MEGF9: variants seen among roughly 807,000 people sequenced by gnomAD.
MEGF9 encodes the protein multiple epidermal growth factor-like domains protein 9.
MEGF9 carries 6 observed loss-of-function variants against 46.8 expected under a neutral mutation model. The ratio of observed to expected loss-of-function variants is 0.13; its 90% CI spans 0.07 to 0.25. MEGF9 has a LOEUF of 0.25. MEGF9 is among the 10% of genes least tolerant of loss of function. The pLI is 1.00. For missense variants in MEGF9, 683 were observed against 792.4 expected (o/e 0.86, Z 1.66); for synonymous variants, 302 against 330.7 (o/e 0.91, Z 0.94).
intron 5 of MEGF9, among the ~76,000 whole-genome samples, chr9:120,606,189 A>T: frequency 6.6e-6 from 1 of 151,490 alleles, no homozygotes; most frequent in African/African-American, 2.4e-5. Context: ...AAAAAAAAAA[A>T]ATCTTTGGGA....
At chr9:120,610,977 T>C (rs1316355223) in intron 4 of MEGF9, among the ~76,000 whole-genome samples, 1 of 152,196 alleles carries the variant, frequency 6.6e-6, no homozygotes, top group African/African-American at 2.4e-5. Flanking sequence ...TTTCTCTAAA[T>C]ATATGAATGA....
In MEGF9 at chr9:120,695,603, C is replaced by CAAAAAAAAAAAAAAAAA. The variant is rs370281228; in HGVS notation, c.601+18138_601+18154dup. ...TGGGTGACAGTGTGAGACCCCATCT[C>CAAAAAAAAAAAAAAAAA]AAAAAAAAAAAAAAAAAAAAAAAAA... On this transcript the variant is annotated intron_variant, in intron 1 of 5. Coordinates refer to ENST00000373930, the MANE Select transcript of MEGF9 (RefSeq NM_001080497.3). Among the ~76,000 whole-genome samples the CAAAAAAAAAAAAAAAAA allele has an allele frequency of 8.0e-4, 15 of 18,686 alleles. 2 individuals carry two copies. The highest frequency in any genetic ancestry group is 1.7e-3 in the African/African-American group (14 of 8,268). 12.3% of individuals were successfully genotyped at this position (18,686 alleles called of 152,430 possible). A position where few individuals can be genotyped will look rare whatever the true frequency, so the allele number is the denominator to read the frequency against.
chr9:120,626,339 C>T (rs887247181), intron 2 of MEGF9, among the ~76,000 whole-genome samples: 4 of 152,190 alleles, frequency 2.6e-5, no homozygotes, highest in African/African-American at 9.7e-5. Flanking sequence ...CTACACATTT[C>T]TTAAATTATC....
At chr9:120,628,465 G>GTCGTTTTTTTTTTTTTTTTTTTTTTTTTT (rs1306331353) in intron 2 of MEGF9, among the ~76,000 whole-genome samples, 1 of 52,754 alleles carries the variant, frequency 1.9e-5, no homozygotes, top group Non-Finnish European at 4.0e-5. Context: ...AATTCTTGTC[G>GTCGTTTTTTTTTTTTTTTTTTTTTTTTTT]TTGTTTTTTT....
intron 2 of MEGF9, among the ~76,000 whole-genome samples, chr9:120,643,696 GTTTC>G (rs1208971388): frequency 4.7e-5 from 7 of 150,078 alleles, no homozygotes; most frequent in Admixed American, 6.6e-5. Flanking sequence ...TTCCACTAAT[GTTTC>G]TTTTTTTTTT....
chr9:120,611,698 AGACTAT>A (rs1212355781), intron 4 of MEGF9, among the ~76,000 whole-genome samples: 2 of 152,082 alleles, frequency 1.3e-5, no homozygotes, highest in African/African-American at 4.8e-5. Context: ...CAAAACTTTG[AGACTAT>A]GTACTAAAAA....
rs976632884 is a variant in MEGF9, at chr9:120,601,038, G to T, written c.*4152C>A. ...GAAATGCATGATGAAGCCTAGTACA[G>T]CATATGTATGAGACACATTTTTTAA... On this transcript the variant is annotated 3_prime_UTR_variant, in exon 6 of 6. Coordinates refer to ENST00000373930, the MANE Select transcript of MEGF9 (RefSeq NM_001080497.3). 3 of 152,600 alleles carry T rather than the reference G, an allele frequency of 2.0e-5. No homozygotes were observed. Among genetic ancestry groups the T allele is most frequent in the Admixed American group, 2.0e-4 (3 of 15,280 alleles). The allele number at this position is 152,600 out of a possible 1,614,324, so 9.5% of individuals were successfully genotyped here.
intron 2 of MEGF9, among the ~76,000 whole-genome samples, chr9:120,635,809 T>A (rs1378832148): frequency 6.6e-6 from 1 of 152,198 alleles, no homozygotes; most frequent in Admixed American, 6.5e-5. Context: ...TTCTGGCAAT[T>A]AGTTGATTTC....
At chr9:120,660,285 G>A (rs1368640396) in intron 1 of MEGF9, among the ~76,000 whole-genome samples, 1 of 152,056 alleles carries the variant, frequency 6.6e-6, no homozygotes, top group African/African-American at 2.4e-5. Context: ...GGTGTATAAG[G>A]TGTATATATT....
chr9:120,700,271 T>G (rs918209803), intron 1 of MEGF9, among the ~76,000 whole-genome samples: 5 of 152,352 alleles, frequency 3.3e-5, no homozygotes, highest in African/African-American at 1.2e-4. Context: ...ACTGATTAGC[T>G]GGACCATCCA....
At chr9:120,713,098 G>A (rs2043960672) in intron 1 of MEGF9, among the ~76,000 whole-genome samples, 1 of 152,184 alleles carries the variant, frequency 6.6e-6, no homozygotes, top group Non-Finnish European at 1.5e-5. Flanking sequence ...GCGAGGAAGA[G>A]ATTTAACCTA....
chr9:120,670,751 G>A (rs781648093), intron 1 of MEGF9, among the ~76,000 whole-genome samples: 8 of 151,976 alleles, frequency 5.3e-5, no homozygotes, highest in Non-Finnish European at 7.4e-5. Context: ...CTCCAACTGC[G>A]CTCTTTATCA....
intron 3 of MEGF9, among the ~76,000 whole-genome samples, chr9:120,612,925 CT>C (rs58019064): frequency 0.084 from 11,289 of 135,086 alleles, 1,040 homozygotes; most frequent in African/African-American, 0.24. Context: ...ATGCACAAAT[CT>C]TTTTTTTTTT....
At chr9:120,677,504 G>A (rs556277007) in intron 1 of MEGF9, among the ~76,000 whole-genome samples, 2 of 152,282 alleles carry the variant, frequency 1.3e-5, no homozygotes, top group African/African-American at 4.8e-5. Context: ...TGGGGTAGGA[G>A]GGAAGCAGTT....
chr9:120,617,708 A>C (rs1032975258), intron 3 of MEGF9, among the ~76,000 whole-genome samples: 1 of 152,182 alleles, frequency 6.6e-6, no homozygotes, highest in Non-Finnish European at 1.5e-5. Flanking sequence ...GGATCAGAGA[A>C]TAGGGAGAGA....
chr9:120,697,983 A>G (rs966976713), intron 1 of MEGF9, among the ~76,000 whole-genome samples: 2 of 152,170 alleles, frequency 1.3e-5, no homozygotes, highest in East Asian at 1.9e-4. Flanking sequence ...AAAGGAAAAA[A>G]GGGGCACAGA....
intron 2 of MEGF9, among the ~76,000 whole-genome samples, chr9:120,643,498 C>A (rs892514919): frequency 6.6e-6 from 1 of 152,152 alleles, no homozygotes; most frequent in East Asian, 1.9e-4. Context: ...CCTAATTTCT[C>A]TTCTGTACTT....
chr9:120,681,302 A>G (rs2043797809), intron 1 of MEGF9, among the ~76,000 whole-genome samples: 1 of 152,138 alleles, frequency 6.6e-6, no homozygotes, highest in African/African-American at 2.4e-5. Context: ...CTTTTGGCAC[A>G]GGGTGTGTCT....
At chr9:120,657,919 A>C (rs140692050) in intron 2 of MEGF9, among the ~76,000 whole-genome samples, 1 of 152,310 alleles carries the variant, frequency 6.6e-6, no homozygotes, top group East Asian at 1.9e-4. Context: ...CTATTTTAAA[A>C]TATTAAGCAT....
Sources: gnomAD v4.1 joint callset for allele counts (sites outside exome capture counted in the v4.1 genomes callset) on GRCh38, gnomAD v4.1.1 for gene constraint, MANE v1.5 for transcripts, NCBI Gene and HGNC (gene_info 2026-07-23, HGNC 2026-07-21) for gene names.